ABCA12: variants seen among roughly 807,000 people sequenced by gnomAD.
ABCA12 encodes the protein ATP binding cassette subfamily A member 12.
ABCA12 carries 156 observed loss-of-function variants against 293.5 expected under a neutral mutation model. The ratio of observed to expected loss-of-function variants is 0.53; its 90% CI spans 0.47 to 0.61. The LOEUF is 0.61. Ranked by LOEUF, ABCA12 falls within the 20% of genes least tolerant of loss-of-function variation. The pLI is 0.00. For missense variants in ABCA12, 2,797 were observed against 3,090.2 expected (o/e 0.91, Z 2.25); for synonymous variants, 1,063 against 1,108.0 (o/e 0.96, Z 0.81).
chr2:214,983,777 T>G lies in ABCA12; in HGVS notation c.4252A>C (p.Lys1418Gln). ...DIKTDLHTVR[K>Q]NMGVCMQHDV... ...TGCTGCATACAGACTCCCATGTTCT[T>G]CCGTACCGTGTGTAGGTCTGTTTTG... Residue 1418 changes from lysine (K) to glutamine (Q), a missense_variant, in exon 29 of 53, where the codon AAG becomes CAG. Lys to Gln is a moderately conservative substitution (Grantham distance 53). Coordinates refer to ENST00000272895, the MANE Select transcript of ABCA12 (RefSeq NM_173076.3). 1.2e-6 allele frequency: 2 copies of G among 1,614,178 alleles called. No individual in the cohort carries two copies. Among genetic ancestry groups the G allele is most frequent in the Non-Finnish European group, 1.7e-6 (2 of 1,180,020 alleles).
intron 2 of ABCA12, among the ~76,000 whole-genome samples, chr2:215,072,354 A>G (rs1701754436): frequency 6.6e-6 from 1 of 152,158 alleles, no homozygotes; most frequent in Non-Finnish European, 1.5e-5. Flanking sequence ...CTATGAAACT[A>G]TAGGCAAGAG....
intron 28 of ABCA12, 139 bp downstream of exon 28, chr2:214,986,403 C>A: frequency 1.1e-6 from 1 of 905,816 alleles, no homozygotes; most frequent in Non-Finnish European, 1.7e-6. Flanking sequence ...CATTCTATAG[C>A]ATACAAGTTG....
At chr2:215,049,833 GTAAAA>G (rs1368652586) in intron 5 of ABCA12, 22 bp from the exon 6 acceptor site, 2 of 1,592,810 alleles carry the variant, frequency 1.3e-6, no homozygotes, top group African/African-American at 1.3e-5. Flanking sequence ...TGTGAAAAGA[GTAAAA>G]TAAGAGTGTT....
chr2:215,006,506 T>C (rs1314004483), intron 19 of ABCA12, among the ~76,000 whole-genome samples: 2 of 152,194 alleles, frequency 1.3e-5, no homozygotes, highest in Non-Finnish European at 2.9e-5. Context: ...TGGGTTGTAA[T>C]TATAACTATG....
chr2:215,015,625 A>G lies in ABCA12; in HGVS notation c.1821T>C (p.Thr607=). The G allele has an allele frequency of 6.2e-7, 1 of 1,614,112 alleles. No homozygotes were observed. The highest frequency in any genetic ancestry group is 1.1e-5 in the South Asian group (1 of 91,082). ...SQVFWLHSCD[T]NITTPKLEDA... ...CTTCTAGTTTGGGAGTGGTGATATT[A>G]GTATCACAGGAATGCAGCCAGAACA... The change falls in exon 15 of 53, where the codon ACT becomes ACC. Residue 607 remains threonine, a synonymous_variant. Coordinates refer to ENST00000272895, the MANE Select transcript of ABCA12 (RefSeq NM_173076.3).
At chr2:215,034,773 T>C (rs1352857039) in intron 8 of ABCA12, among the ~76,000 whole-genome samples, 1 of 152,160 alleles carries the variant, frequency 6.6e-6, no homozygotes, top group Non-Finnish European at 1.5e-5. Context: ...ACAGAGTTAT[T>C]TAGATGATAA....
At chr2:215,067,751 T>C (rs1249723848) in intron 2 of ABCA12, among the ~76,000 whole-genome samples, 1 of 152,146 alleles carries the variant, frequency 6.6e-6, no homozygotes, top group Admixed American at 6.6e-5. Context: ...TCTCATTGAA[T>C]GGATACAGTC....
Position 215,064,055 on chromosome 2 carries a change from A to G in ABCA12, c.317+11T>C. 1 of 1,612,488 alleles carries G rather than the reference A, an allele frequency of 6.2e-7. No homozygotes were observed. On this transcript the variant is annotated intron_variant, in intron 3 of 52. Transcript: ENST00000272895. ...TCAGAACAATTGAACACACTTGAGAAGTGCCCCCACCTGTCTTTAAATAGT... is the reference window on the plus strand; with the variant it reads ...TCAGAACAATTGAACACACTTGAGAGGTGCCCCCACCTGTCTTTAAATAGT...
chr2:215,018,181 C>A, intron 13 of ABCA12, 49 bp from the exon 14 acceptor site: 1 of 1,587,674 alleles, frequency 6.3e-7, no homozygotes, highest in South Asian at 1.1e-5. Flanking sequence ...TTTGTCAGGT[C>A]ACTCTTTTTA....
Position 214,951,019 on chromosome 2 carries a change from G to A in ABCA12, c.6712C>T (p.Arg2238Trp), listed in dbSNP as rs756459081. The A allele has an allele frequency of 2.6e-5, 42 of 1,613,878 alleles. No homozygotes were observed. The highest frequency in any genetic ancestry group is 3.3e-5 in the Non-Finnish European group (39 of 1,179,994). ...CTCTCAACTCTTAATCTCTCAGCCC[G>A]CACATCTTCATCCTCATCTATTGTC... is the stretch of plus-strand genomic sequence containing the variant. ...RETIDEDEDV[R>W]AERLRVESGA... The change falls in exon 45 of 53, where the codon CGG (arginine) becomes TGG (tryptophan). Residue 2238 changes from arginine (R) to tryptophan (W), a missense_variant. Around this residue, in one of 3 missense-constraint regions of ABCA12, gnomAD observed 2,130 missense variants for 2,427.0 expected, o/e 0.88. Transcript: ENST00000272895.
intron 23 of ABCA12, among the ~76,000 whole-genome samples, chr2:214,997,070 T>C (rs1384484663): frequency 1.3e-5 from 2 of 152,202 alleles, no homozygotes; most frequent in Non-Finnish European, 2.9e-5. Context: ...TTGGGGTTAA[T>C]GATGAAGAAC....
At chr2:215,137,593 A>T (rs1325377858) in intron 1 of ABCA12, among the ~76,000 whole-genome samples, 1 of 152,236 alleles carries the variant, frequency 6.6e-6, no homozygotes, top group African/African-American at 2.4e-5. Flanking sequence ...AAAACATAGC[A>T]CATATACATA....
intron 52 of ABCA12, among the ~76,000 whole-genome samples, chr2:214,933,790 G>C (rs1698136464): frequency 6.6e-6 from 1 of 152,078 alleles, no homozygotes; most frequent in Non-Finnish European, 1.5e-5. Context: ...GTTAACAGCT[G>C]TTTGTTATGT....
At chr2:215,038,472 C>T (rs1701033511) in intron 7 of ABCA12, among the ~76,000 whole-genome samples, 1 of 152,112 alleles carries the variant, frequency 6.6e-6, no homozygotes, top group African/African-American at 2.4e-5. Context: ...TGCACAGAGC[C>T]CACAGGCATT....
At chr2:215,134,764 C>T (rs1703174672) in intron 1 of ABCA12, among the ~76,000 whole-genome samples, 1 of 150,922 alleles carries the variant, frequency 6.6e-6, no homozygotes, top group Non-Finnish European at 1.5e-5. Context: ...CCTCCCACCG[C>T]AACTTCCCAA....
At chr2:215,008,368 T>C (rs1226091231) in intron 18 of ABCA12, among the ~76,000 whole-genome samples, 1 of 152,058 alleles carries the variant, frequency 6.6e-6, no homozygotes. Flanking sequence ...AGAATATTTA[T>C]TGCTACATTG....
At chr2:215,050,913 C>T in intron 5 of ABCA12, 1 of 638,146 alleles carries the variant, frequency 1.6e-6, no homozygotes, top group Non-Finnish European at 1.9e-6. Flanking sequence ...TTTTACATCC[C>T]TTCCCTGCTC....
intron 1 of ABCA12, among the ~76,000 whole-genome samples, chr2:215,112,506 TG>T (rs1702597291): frequency 8.6e-5 from 6 of 69,854 alleles, no homozygotes; most frequent in Admixed American, 3.0e-4. Context: ...TGTTTTTTTT[TG>T]TTTTTTTTTG....
At chr2:214,978,592 A>G in intron 32 of ABCA12, 126 bp from the exon 33 acceptor site, 1 of 1,249,462 alleles carries the variant, frequency 8.0e-7, no homozygotes, top group Non-Finnish European at 1.1e-6. Flanking sequence ...TCTGACTTCA[A>G]GTGAATATTT....
Sources: allele counts gnomAD v4.1 joint callset (sites outside exome capture counted in the v4.1 genomes callset), GRCh38; gene constraint gnomAD v4.1.1; regional missense constraint gnomAD v4.1.1; transcripts MANE v1.5; gene names NCBI Gene and HGNC (gene_info 2026-07-23, HGNC 2026-07-21).